GIGYF2: variants seen among roughly 807,000 people sequenced by gnomAD.
GIGYF2 encodes the protein GRB10-interacting GYF protein 2.
Under a neutral mutation model 208.1 loss-of-function variants are expected in GIGYF2, and 25 were observed. That is an observed-to-expected ratio of 0.12 (90% CI 0.09 to 0.17). The LOEUF (loss-of-function observed/expected upper bound fraction) is 0.17. GIGYF2 is among the 10% of genes least tolerant of loss of function. The pLI, the probability that GIGYF2 is intolerant of heterozygous loss-of-function variation, is 1.00. For missense variants in GIGYF2, 1,302 were observed against 1,579.4 expected, an observed-to-expected ratio of 0.82 and a Z score of 2.98; for synonymous variants, 534 against 543.8, an observed-to-expected ratio of 0.98 and a Z score of 0.25.
At chr2:232,829,701 C>T (rs1701364687) in intron 21 of GIGYF2, among the ~76,000 whole-genome samples, 1 of 151,910 alleles carries the variant, frequency 6.6e-6, no homozygotes, top group South Asian at 2.1e-4. Flanking sequence ...TCTGATGGTC[C>T]CCCTTCCAAA....
At chr2:232,804,971 A>AT (rs200647455) in intron 14 of GIGYF2, among the ~76,000 whole-genome samples, 1,861 of 147,702 alleles carry the variant, frequency 0.013, 43 homozygotes, top group African/African-American at 0.043. Context: ...ACTATATGTG[A>AT]TTTTTTTTTA....
intron 8 of GIGYF2, chr2:232,765,939 A>G (rs1161290484): frequency 1.7e-5 from 8 of 460,888 alleles, no homozygotes; most frequent in Non-Finnish European, 3.1e-5. Flanking sequence ...CTTCCTGATC[A>G]TGTGTGCAAG....
intron 2 of GIGYF2, among the ~76,000 whole-genome samples, chr2:232,733,936 A>G (rs1039498307): frequency 2.6e-5 from 4 of 152,152 alleles, no homozygotes; most frequent in Non-Finnish European, 5.9e-5. Context: ...GAACCCATGG[A>G]TATGGAGGGC....
intron 1 of GIGYF2, 59 bp downstream of exon 1, chr2:232,697,451 C>A: frequency 6.5e-6 from 1 of 153,774 alleles, no homozygotes; most frequent in South Asian, 2.0e-4. Flanking sequence ...CCGGCCCCGC[C>A]GCCGCGTCCC....
chr2:232,808,878 AGTTT>A (rs1700638181), intron 15 of GIGYF2, among the ~76,000 whole-genome samples: 1 of 152,104 alleles, frequency 6.6e-6, no homozygotes, highest in South Asian at 2.1e-4. Context: ...CAACAGAAAC[AGTTT>A]ATTTTGGGGG....
intron 2 of GIGYF2, among the ~76,000 whole-genome samples, chr2:232,728,486 A>G (rs1428314368): frequency 6.6e-6 from 1 of 152,240 alleles, no homozygotes; most frequent in Non-Finnish European, 1.5e-5. Context: ...GAATGGATAT[A>G]AGGGATGGAG....
At chr2:232,769,742 G>A (rs1270506586) in intron 8 of GIGYF2, among the ~76,000 whole-genome samples, 1 of 151,934 alleles carries the variant, frequency 6.6e-6, no homozygotes, top group African/African-American at 2.4e-5. Context: ...TAAGAAGTAA[G>A]TACTTACCAG....
At chr2:232,733,468 A>G (rs1462207481) in intron 2 of GIGYF2, among the ~76,000 whole-genome samples, 1 of 152,134 alleles carries the variant, frequency 6.6e-6, no homozygotes. Context: ...AGGTTAACAC[A>G]CTTTTACTTT....
chr2:232,783,931 G>T (rs372453483), intron 8 of GIGYF2, among the ~76,000 whole-genome samples: 3 of 151,952 alleles, frequency 2.0e-5, no homozygotes, highest in Admixed American at 1.3e-4. Context: ...CAGGTGATCC[G>T]CCCGCCTCGG....
chr2:232,785,631 T>C (rs1265336105), intron 8 of GIGYF2, among the ~76,000 whole-genome samples: 2 of 152,170 alleles, frequency 1.3e-5, no homozygotes, highest in Non-Finnish European at 2.9e-5. Context: ...AGATCAGCAG[T>C]CAGGGATTGT....
intron 8 of GIGYF2, among the ~76,000 whole-genome samples, chr2:232,773,559 C>A (rs1699368617): frequency 6.6e-6 from 1 of 151,966 alleles, no homozygotes; most frequent in Admixed American, 6.6e-5. Context: ...TCTTTGATAG[C>A]CAAATTTCTA....
At chr2:232,701,201 TTAAG>T (rs2106239386) in intron 1 of GIGYF2, among the ~76,000 whole-genome samples, 1 of 152,154 alleles carries the variant, frequency 6.6e-6, no homozygotes, top group Non-Finnish European at 1.5e-5. Flanking sequence ...CTTCCCTACT[TTAAG>T]TAAATAAGGA....
intron 16 of GIGYF2, chr2:232,811,029 G>A (rs1574911648): frequency 2.0e-6 from 1 of 499,796 alleles, no homozygotes; most frequent in Non-Finnish European, 3.6e-6. Flanking sequence ...TCTTTCACTC[G>A]GAAACACGCC....
chr2:232,768,778 G>C lies in GIGYF2; in HGVS notation c.532+7342G>C, dbSNP rs387906858. The C allele has an allele frequency of 6.2e-7, 1 of 1,600,988 alleles. No homozygotes were observed. Among genetic ancestry groups the C allele is most frequent in the South Asian group, 1.1e-5 (1 of 90,250 alleles). On this transcript the variant is annotated intron_variant, in intron 8 of 28. Coordinates refer to ENST00000373563, the MANE Select transcript of GIGYF2 (RefSeq NM_001103146.3). ...TCAGTAAAGCGAATTGAAAAAGCTCGATTTTTTGGCCGGGCAATCTTCGCC... is the reference window on the plus strand; with the variant it reads ...TCAGTAAAGCGAATTGAAAAAGCTCCATTTTTTGGCCGGGCAATCTTCGCC...
intron 9 of GIGYF2, among the ~76,000 whole-genome samples, chr2:232,789,857 T>G (rs924670904): frequency 2.0e-5 from 3 of 152,102 alleles, no homozygotes; most frequent in Non-Finnish European, 4.4e-5. Context: ...AAAAATATCT[T>G]AAGTAGGATC....
chr2:232,831,391 T>C (rs893065023), intron 21 of GIGYF2, among the ~76,000 whole-genome samples: 2 of 152,256 alleles, frequency 1.3e-5, no homozygotes, highest in African/African-American at 4.8e-5. Context: ...CTTTGGTTTA[T>C]TCATTTAACA....
chr2:232,826,631 C>T (rs1346323489), intron 21 of GIGYF2, among the ~76,000 whole-genome samples: 7 of 152,056 alleles, frequency 4.6e-5, no homozygotes, highest in Admixed American at 4.6e-4. Context: ...TTGCAATCTA[C>T]CCATCTGACA....
rs1355491968 is a variant in GIGYF2 at position 232,858,517 on chromosome 2, G to T, written c.*1657G>T. 3 of 456,310 alleles carry T rather than the reference G, an allele frequency of 6.6e-6. No homozygotes were observed. Among genetic ancestry groups the T allele is most frequent in the Non-Finnish European group, 1.3e-5 (3 of 226,796 alleles). The allele number at this position is 456,310 out of a possible 1,614,324, so 28.3% of individuals were successfully genotyped here. On this transcript the variant is annotated 3_prime_UTR_variant, in exon 29 of 29. Transcript: ENST00000373563. ...TTGCTTTGTAAATTCAAAAGTTGGG[G>T]GTGGGTAAGAGGGATAGTTAAAATG...
intron 15 of GIGYF2, among the ~76,000 whole-genome samples, chr2:232,808,875 A>C (rs920539934): frequency 2.0e-5 from 3 of 152,142 alleles, no homozygotes; most frequent in African/African-American, 7.2e-5. Context: ...TAGCAACAGA[A>C]ACAGTTTATT....
Sources: gnomAD v4.1 joint callset for allele counts (sites outside exome capture counted in the v4.1 genomes callset) on GRCh38, gnomAD v4.1.1 for gene constraint, MANE v1.5 for transcripts, NCBI Gene and HGNC (gene_info 2026-07-23, HGNC 2026-07-21) for gene names.